ITGA9: variants seen among roughly 807,000 people sequenced by gnomAD.
ITGA9 encodes the protein integrin subunit alpha 9.
Under a neutral mutation model 127.8 loss-of-function variants are expected in ITGA9, and 56 were observed. That is an observed-to-expected ratio of 0.44 (90% CI 0.35 to 0.55). The LOEUF (loss-of-function observed/expected upper bound fraction) is 0.55. ITGA9 is among the 20% of genes least tolerant of loss of function. ITGA9 has a pLI of 0.00. For missense variants in ITGA9, 1,196 were observed against 1,347.1 expected, an observed-to-expected ratio of 0.89 and a Z score of 1.76; for synonymous variants, 508 against 514.5, an observed-to-expected ratio of 0.99 and a Z score of 0.17.
At chr3:37,692,463 AAT>A (rs1032846144) in intron 18 of ITGA9, among the ~76,000 whole-genome samples, 4 of 151,750 alleles carry the variant, frequency 2.6e-5, no homozygotes, top group South Asian at 2.1e-4. Flanking sequence ...TGTAAAAAAA[AAT>A]AGAGACAGTG....
intron 1 of ITGA9, among the ~76,000 whole-genome samples, chr3:37,456,098 G>T (rs1698254650): frequency 6.6e-6 from 1 of 152,126 alleles, no homozygotes; most frequent in South Asian, 2.1e-4. Flanking sequence ...TGAGCACAGA[G>T]CCCCAGACCC....
intron 3 of ITGA9, among the ~76,000 whole-genome samples, chr3:37,477,569 A>G (rs1291842994): frequency 2.0e-5 from 3 of 152,222 alleles, no homozygotes; most frequent in Non-Finnish European, 2.9e-5. Context: ...ATGTAAAGAT[A>G]GCATCAGGAT....
intron 15 of ITGA9, among the ~76,000 whole-genome samples, chr3:37,575,779 A>G (rs2364175): frequency 0.64 from 96,621 of 152,000 alleles, 31,056 homozygotes; most frequent in East Asian, 0.75. Context: ...ATGGCTGTGC[A>G]TCATCCACCC....
chr3:37,500,705 C>T (rs1698779029), intron 5 of ITGA9, among the ~76,000 whole-genome samples: 1 of 152,204 alleles, frequency 6.6e-6, no homozygotes, highest in African/African-American at 2.4e-5. Flanking sequence ...CCTCCAGGGA[C>T]TTGTCAGAGC....
rs1697021281 is a variant in ITGA9, at chr3:37,784,976, G to A, written c.2788-1G>A. 6.2e-7 allele frequency: 1 copy of A among 1,612,332 alleles called. No individual in the cohort carries two copies. Among genetic ancestry groups the A allele is most frequent in the African/African-American group, 1.3e-5 (1 of 74,874 alleles). Reference sequence around the variant, plus strand: ...AGTAAGTTGTGTTGTTTCTTCCACAGGACAGTTCGTCTGTCATCCAGTTCA... The same window carrying A: ...AGTAAGTTGTGTTGTTTCTTCCACAAGACAGTTCGTCTGTCATCCAGTTCA... On this transcript the variant is annotated splice_acceptor_variant, in intron 25 of 27. Transcript: ENST00000264741. LOFTEE classifies it high-confidence loss of function.
At chr3:37,721,173 G>A (rs923537334) in intron 18 of ITGA9, among the ~76,000 whole-genome samples, 1 of 144,364 alleles carries the variant, frequency 6.9e-6, no homozygotes, top group Non-Finnish European at 1.5e-5. Context: ...CCAGGCTGGA[G>A]TGCAGTGGTG....
chr3:37,779,885 C>A lies in ITGA9; in HGVS notation c.2668-17C>A. ...GTTCTTAATTCCATTGGAAATTTTTCTGACTTTTCTTCTCAGGACTGTGAA... is the reference window on the plus strand; with the variant it reads ...GTTCTTAATTCCATTGGAAATTTTTATGACTTTTCTTCTCAGGACTGTGAA... On this transcript the variant is annotated splice_polypyrimidine_tract_variant and intron_variant, in intron 24 of 27. Transcript: ENST00000264741. The A allele has an allele frequency of 6.2e-7, 1 of 1,613,544 alleles. No individual in the cohort carries two copies. The highest frequency in any genetic ancestry group is 1.1e-5 in the South Asian group (1 of 91,034).
At chr3:37,608,736 G>A (rs1210424428) in intron 15 of ITGA9, among the ~76,000 whole-genome samples, 2 of 152,106 alleles carry the variant, frequency 1.3e-5, no homozygotes, top group Non-Finnish European at 2.9e-5. Context: ...TTGTAAGCAG[G>A]ACCAACTCTT....
At chr3:37,670,831 G>A (rs1249422761) in intron 17 of ITGA9, among the ~76,000 whole-genome samples, 2 of 152,172 alleles carry the variant, frequency 1.3e-5, no homozygotes. Context: ...TCCATTGCTT[G>A]TGACTATTTA....
intron 23 of ITGA9, among the ~76,000 whole-genome samples, chr3:37,756,694 C>T (rs906073858): frequency 6.6e-6 from 1 of 152,286 alleles, no homozygotes; most frequent in South Asian, 2.1e-4. Flanking sequence ...GAGATCCTAA[C>T]ATAAATAAGG....
chr3:37,675,936 GT>G (rs1279193023), intron 17 of ITGA9, among the ~76,000 whole-genome samples: 1 of 151,828 alleles, frequency 6.6e-6, no homozygotes, highest in African/African-American at 2.4e-5. Flanking sequence ...TAGAGACAGG[GT>G]TTCACCATGT....
At chr3:37,532,678 G>A (rs1297075616) in intron 13 of ITGA9, among the ~76,000 whole-genome samples, 2 of 152,208 alleles carry the variant, frequency 1.3e-5, no homozygotes, top group Non-Finnish European at 2.9e-5. Context: ...ATGGCAGGGA[G>A]GAGAGTATGG....
chr3:37,685,226 G>A (rs1045943021), intron 18 of ITGA9, among the ~76,000 whole-genome samples: 3 of 152,138 alleles, frequency 2.0e-5, no homozygotes, highest in African/African-American at 7.2e-5. Context: ...CAATAGTGTT[G>A]ACAGGTTTGT....
At chr3:37,771,448 A>G (rs913302877) in intron 23 of ITGA9, among the ~76,000 whole-genome samples, 3 of 152,202 alleles carry the variant, frequency 2.0e-5, no homozygotes, top group East Asian at 1.9e-4. Flanking sequence ...GAGTGACTAC[A>G]TGGGCCAACA....
chr3:37,702,874 G>T (rs199511079), intron 18 of ITGA9, among the ~76,000 whole-genome samples: 4 of 152,000 alleles, frequency 2.6e-5, no homozygotes, highest in Non-Finnish European at 5.9e-5. Flanking sequence ...TGAGAATTCC[G>T]TTGACACTCA....
At chr3:37,509,203 G>A (rs1258403886) in intron 8 of ITGA9, among the ~76,000 whole-genome samples, 1 of 152,164 alleles carries the variant, frequency 6.6e-6, no homozygotes, top group African/African-American at 2.4e-5. Context: ...TACTCTGCCT[G>A]GGTCCTCCCC....
At chr3:37,731,847 CAT>C (rs1272795821) in intron 18 of ITGA9, among the ~76,000 whole-genome samples, 2 of 152,162 alleles carry the variant, frequency 1.3e-5, no homozygotes, top group Non-Finnish European at 2.9e-5. Flanking sequence ...TAAATGCTCA[CAT>C]GTTTTTACCA....
At chr3:37,751,420 T>G (rs1298600005) in intron 23 of ITGA9, among the ~76,000 whole-genome samples, 1 of 152,176 alleles carries the variant, frequency 6.6e-6, no homozygotes, top group Non-Finnish European at 1.5e-5. Context: ...CCATGCCACA[T>G]TTCCCCAGCA....
intron 19 of ITGA9, among the ~76,000 whole-genome samples, chr3:37,735,830 G>A (rs181863802): frequency 5.6e-4 from 85 of 152,302 alleles, no homozygotes; most frequent in Admixed American, 4.5e-3. Flanking sequence ...ATACGTGGAC[G>A]CAGCACTGAA....
Sources: gnomAD v4.1 joint callset for allele counts (sites outside exome capture counted in the v4.1 genomes callset) on GRCh38, gnomAD v4.1.1 for gene constraint, MANE v1.5 for transcripts, NCBI Gene and HGNC (gene_info 2026-07-23, HGNC 2026-07-21) for gene names.